Variants in ARPP21 observed in about 807,000 individuals in gnomAD.
ARPP21 encodes the protein cAMP-regulated phosphoprotein 21.
Under a neutral mutation model 113.2 loss-of-function variants are expected in ARPP21, and 69 were observed. That is an observed-to-expected ratio of 0.61 (90% CI 0.50 to 0.74). The LOEUF is 0.74. ARPP21 is among the 30% of genes least tolerant of loss of function. The pLI is 0.00. For missense variants in ARPP21, 1,070 were observed against 1,037.4 expected, an observed-to-expected ratio of 1.03 and a Z score of -0.43; for synonymous variants, 368 against 375.5, an observed-to-expected ratio of 0.98 and a Z score of 0.23.
At chr3:35,667,967 AAGAAGAAGAAGAAG>A (rs1559549268) in intron 1 of ARPP21, among the ~76,000 whole-genome samples, 7 of 107,462 alleles carry the variant, frequency 6.5e-5, no homozygotes, top group African/African-American at 2.5e-4. Flanking sequence ...GAAGAAGAAG[AAGAAGAAGAAGAAG>A]AAGAAGAAGA....
At chr3:35,760,141 A>T (rs2095713979) in intron 19 of ARPP21, among the ~76,000 whole-genome samples, 1 of 152,148 alleles carries the variant, frequency 6.6e-6, no homozygotes. Context: ...AAGAGGCTGT[A>T]AAAACACTAA....
chr3:35,745,865 G>C (rs1002826669), intron 19 of ARPP21, among the ~76,000 whole-genome samples: 1 of 152,132 alleles, frequency 6.6e-6, no homozygotes, highest in Non-Finnish European at 1.5e-5. Flanking sequence ...CAACCTGGTA[G>C]CTTTGGTTTG....
chr3:35,664,907 G>T (rs952757795), intron 1 of ARPP21, among the ~76,000 whole-genome samples: 1 of 152,180 alleles, frequency 6.6e-6, no homozygotes, highest in Admixed American at 6.5e-5. Context: ...TCAGAGGAGT[G>T]TCACTTGCAT....
At chr3:35,785,460 G>GATCC in intron 19 of ARPP21, among the ~76,000 whole-genome samples, 2 of 152,202 alleles carry the variant, frequency 1.3e-5, no homozygotes, top group Non-Finnish European at 2.9e-5. Context: ...TTCCGTGCAT[G>GATCC]ATCCATTCCT....
intron 9 of ARPP21, among the ~76,000 whole-genome samples, chr3:35,693,620 T>C (rs2082913107): frequency 6.6e-6 from 1 of 151,722 alleles, no homozygotes; most frequent in Non-Finnish European, 1.5e-5. Context: ...CCATGCTCTT[T>C]GGGGTTGAAG....
At chr3:35,706,183 T>C (rs2088916569) in intron 9 of ARPP21, among the ~76,000 whole-genome samples, 1 of 152,172 alleles carries the variant, frequency 6.6e-6, no homozygotes, top group African/African-American at 2.4e-5. Context: ...CCTCTGTGGA[T>C]GAACCCAAGT....
chr3:35,783,766 C>T (rs148688749), intron 19 of ARPP21, among the ~76,000 whole-genome samples: 186 of 152,232 alleles, frequency 1.2e-3, no homozygotes, highest in African/African-American at 3.8e-3. Flanking sequence ...GGATTTGAGC[C>T]TAGCTCCATT....
At chr3:35,684,352 C>A in intron 5 of ARPP21, 3 of 1,030,734 alleles carry the variant, frequency 2.9e-6, no homozygotes, top group Admixed American at 5.1e-5. Context: ...TGAATCTGAG[C>A]TGATGGTGAC....
At chr3:35,728,732 T>C (rs886620020) in intron 14 of ARPP21, among the ~76,000 whole-genome samples, 1 of 152,150 alleles carries the variant, frequency 6.6e-6, no homozygotes, top group Non-Finnish European at 1.5e-5. Context: ...ATGTGTTTGC[T>C]CATATACACT....
chr3:35,759,672 C>CTGTGTGTGTGTGTGTG (rs1468740553), intron 19 of ARPP21, among the ~76,000 whole-genome samples: 5 of 119,642 alleles, frequency 4.2e-5, no homozygotes, highest in African/African-American at 1.2e-4. Context: ...TTCATTTTCT[C>CTGTGTGTGTGTGTGTG]TCTCTGTGTG....
chr3:35,716,929 C>T (rs1398911918), intron 12 of ARPP21, among the ~76,000 whole-genome samples: 1 of 151,942 alleles, frequency 6.6e-6, no homozygotes, highest in Non-Finnish European at 1.5e-5. Context: ...GGATATGTGC[C>T]TCTGGAATGC....
chr3:35,697,624 AC>A (rs1370524111), intron 9 of ARPP21, among the ~76,000 whole-genome samples: 1 of 151,532 alleles, frequency 6.6e-6, no homozygotes, highest in African/African-American at 2.4e-5. Flanking sequence ...GGATCATGGG[AC>A]TTTCCACTTT....
At chr3:35,777,230 A>G (rs62259490) in intron 19 of ARPP21, among the ~76,000 whole-genome samples, 15,128 of 152,224 alleles carry the variant, frequency 0.099, 1,042 homozygotes, top group Non-Finnish European at 0.15. Flanking sequence ...TTTACTGAGC[A>G]CCATTTAGTG....
chr3:35,700,858 G>A (rs1206952509), intron 9 of ARPP21, among the ~76,000 whole-genome samples: 1 of 151,512 alleles, frequency 6.6e-6, no homozygotes, highest in Non-Finnish European at 1.5e-5. Flanking sequence ...TATACTTTCA[G>A]TTCTAGGGTA....
At chr3:35,748,126 A>AAAG (rs1559838272) in intron 19 of ARPP21, among the ~76,000 whole-genome samples, 89 of 127,098 alleles carry the variant, frequency 7.0e-4, no homozygotes, top group Non-Finnish European at 1.0e-3. Context: ...AGAAAGAAAG[A>AAAG]AAAGAAAGAA....
At chr3:35,758,218 T>C (rs915161505) in intron 19 of ARPP21, among the ~76,000 whole-genome samples, 1 of 152,024 alleles carries the variant, frequency 6.6e-6, no homozygotes, top group African/African-American at 2.4e-5. Flanking sequence ...CAATTACAAC[T>C]TGAAATATTT....
chr3:35,737,944 T>G (rs2150716219), intron 16 of ARPP21, among the ~76,000 whole-genome samples: 1 of 152,350 alleles, frequency 6.6e-6, no homozygotes, highest in South Asian at 2.1e-4. Context: ...TTATTTGTTT[T>G]GGGGCAGTAT....
rs1276641727 is a variant in ARPP21, at chr3:35,652,569, TCAAA to T, written c.-213+12174_-213+12177del. Among the ~76,000 whole-genome samples the T allele has an allele frequency of 3.3e-5, 5 of 152,066 alleles. No homozygotes were observed. The East Asian group carries it at 9.7e-4, about 29-fold the overall frequency. ...TTGGATCCTTAGGCTTAAGCAGGGA[TCAAA>T]CAGTTTGCACTGTTAGCCAAGGCAT... is the stretch of plus-strand genomic sequence containing the variant. On this transcript the variant is annotated intron_variant, in intron 1 of 20. Transcript: ENST00000684406.
At chr3:35,749,431 C>CAAAAAAAAA (rs61007987) in intron 19 of ARPP21, among the ~76,000 whole-genome samples, 9 of 100,770 alleles carry the variant, frequency 8.9e-5, no homozygotes, top group East Asian at 4.3e-4. Context: ...TTCCTAAAAG[C>CAAAAAAAAA]AAAAAAAAAA....
Sources: gnomAD v4.1 joint callset for allele counts (sites outside exome capture counted in the v4.1 genomes callset) on GRCh38, gnomAD v4.1.1 for gene constraint, MANE v1.5 for transcripts, NCBI Gene and HGNC (gene_info 2026-07-23, HGNC 2026-07-21) for gene names.